CACNA1B: variants seen among roughly 807,000 people sequenced by gnomAD.
CACNA1B encodes the protein calcium voltage-gated channel subunit alpha1 B, also known as voltage-dependent N-type calcium channel subunit alpha-1B.
A neutral mutation model predicts 247.2 loss-of-function variants in CACNA1B; 70 were observed. The ratio of observed to expected loss-of-function variants is 0.28; its 90% confidence interval spans 0.23 to 0.35. The LOEUF is 0.35. Among genes scored for constraint, CACNA1B ranks in the 10% least tolerant of loss-of-function variants. The pLI, the probability that CACNA1B is intolerant of heterozygous loss-of-function variation, is 1.00. For missense variants in CACNA1B, 2,367 were observed against 3,197.4 expected, an observed-to-expected ratio of 0.74 and a Z score of 6.26; for synonymous variants, 1,231 against 1,294.4, an observed-to-expected ratio of 0.95 and a Z score of 1.05.
chr9:137,981,833 G>C (rs899467869), intron 12 of CACNA1B, among the ~76,000 whole-genome samples: 2 of 152,144 alleles, frequency 1.3e-5, no homozygotes, highest in Non-Finnish European at 2.9e-5. Flanking sequence ...TTTTCTGCCA[G>C]CACACAACAG....
At chr9:138,004,872 A>G (rs1177178662) in intron 15 of CACNA1B, among the ~76,000 whole-genome samples, 2 of 152,200 alleles carry the variant, frequency 1.3e-5, no homozygotes, top group Non-Finnish European at 2.9e-5. Context: ...TGGCCAACAG[A>G]TGTATGAAAA....
In CACNA1B at chr9:137,971,324, G is replaced by A; in HGVS notation, c.1334-59G>A. ...CAGAGTGCGTCTGTGGGGGTCCACA[G>A]GTGGGGTAGGCGGGTGCCCATTGGT... is the stretch of plus-strand genomic sequence containing the variant. On this transcript the variant is annotated intron_variant, in intron 10 of 46. Transcript: ENST00000371372. This position sits in a 1 kb window ranked among gnomAD's most constrained non-coding sequence, Gnocchi z 4.4. 1 of 1,284,078 alleles carries A rather than the reference G, an allele frequency of 7.8e-7. No homozygotes were observed. The highest frequency in any genetic ancestry group is 1.1e-6 in the Non-Finnish European group (1 of 903,860). 79.5% of individuals were successfully genotyped at this position (1,284,078 alleles called of 1,614,324 possible).
intron 3 of CACNA1B, among the ~76,000 whole-genome samples, chr9:137,894,259 C>T (rs1011515429): frequency 6.6e-5 from 10 of 151,152 alleles, no homozygotes; most frequent in Admixed American, 2.6e-4. Flanking sequence ...GCACAGGAGC[C>T]GTCCCTTCTC....
Position 138,010,029 on chromosome 9 carries a change from TCTGGCCATCGCTGTGGACAAC to T in CACNA1B, c.2120_2140del (p.Ile707_Ala713del). On this transcript the variant is annotated inframe_deletion, in exon 17 of 47. Coordinates refer to ENST00000371372, the MANE Select transcript of CACNA1B (RefSeq NM_000718.4). This position sits in a 1 kb window ranked among gnomAD's most constrained non-coding sequence, Gnocchi z 5.3. ...AACCAGACACTCTGCTGAATGTCTT[TCTGGCCATCGCTGTGGACAAC>T]CTGGCCAACGCCCAAGAGCTGACCA... 1 of 1,613,780 alleles carries T rather than the reference TCTGGCCATCGCTGTGGACAAC, an allele frequency of 6.2e-7. No individual in the cohort carries two copies. The highest frequency in any genetic ancestry group is 8.5e-7 in the Non-Finnish European group (1 of 1,179,736).
At chr9:137,909,457 C>A (rs771553022) in intron 3 of CACNA1B, among the ~76,000 whole-genome samples, 26 of 152,260 alleles carry the variant, frequency 1.7e-4, no homozygotes, top group South Asian at 1.0e-3. Context: ...TGTTATTTGC[C>A]CTTTTGTGTC....
At chr9:138,035,011 G>A (rs903190590) in intron 20 of CACNA1B, among the ~76,000 whole-genome samples, 4 of 152,190 alleles carry the variant, frequency 2.6e-5, no homozygotes, top group African/African-American at 7.2e-5. Context: ...AGAGCAGAAC[G>A]GTGTGGGGTT....
chr9:138,049,872 G>A (rs907637136), intron 24 of CACNA1B, among the ~76,000 whole-genome samples: 1 of 152,224 alleles, frequency 6.6e-6, no homozygotes, highest in Non-Finnish European at 1.5e-5. Context: ...TCAGATAACT[G>A]CATGGAGGGC....
At chr9:138,070,716 A>G (rs954664973) in intron 32 of CACNA1B, among the ~76,000 whole-genome samples, 1 of 152,250 alleles carries the variant, frequency 6.6e-6, no homozygotes, top group African/African-American at 2.4e-5. Flanking sequence ...AGCTCGTGCC[A>G]GTCAGGCCTC....
chr9:138,039,771 C>G (rs1822548429), intron 20 of CACNA1B, among the ~76,000 whole-genome samples: 1 of 151,918 alleles, frequency 6.6e-6, no homozygotes, highest in African/African-American at 2.4e-5. Context: ...TCATGGTCGG[C>G]TTTTGTTCTT....
Position 137,955,821 on chromosome 9 carries a change from C to A in CACNA1B, c.1186+8C>A. ...AGTGGATCTTCAAGGCGGGTGAGGG[C>A]CCGTGGGAGCCACTGCACTCCTGGC... On this transcript the variant is annotated splice_region_variant and intron_variant, in intron 8 of 46. Coordinates refer to ENST00000371372, the MANE Select transcript of CACNA1B (RefSeq NM_000718.4). The surrounding 1 kb of genome is among the most constrained non-coding windows in gnomAD (Gnocchi z 6.9). The A allele has an allele frequency of 6.5e-7, 1 of 1,541,346 alleles. No homozygotes were observed. Among genetic ancestry groups the A allele is most frequent in the Non-Finnish European group, 8.9e-7 (1 of 1,123,568 alleles).
Position 138,014,943 on chromosome 9 carries a change from A to G in CACNA1B, c.2267+1708A>G, listed in dbSNP as rs1958771738. 6.6e-6 allele frequency among the ~76,000 whole-genome samples: 1 copy of G among 152,162 alleles called. No homozygotes were observed. The highest frequency in any genetic ancestry group is 1.5e-5 in the Non-Finnish European group (1 of 68,010). ...TGCTGCCCTGTCCTGGTTTGGAGACACTGCTATGCAGGAACAAGGCAGTAG... is the reference window on the plus strand; with the variant it reads ...TGCTGCCCTGTCCTGGTTTGGAGACGCTGCTATGCAGGAACAAGGCAGTAG... On this transcript the variant is annotated intron_variant, in intron 18 of 46. Coordinates refer to ENST00000371372, the MANE Select transcript of CACNA1B (RefSeq NM_000718.4). The surrounding 1 kb of genome is among the most constrained non-coding windows in gnomAD (Gnocchi z 6.2).
chr9:137,935,588 G>C (rs1957656674), intron 6 of CACNA1B, among the ~76,000 whole-genome samples: 1 of 152,164 alleles, frequency 6.6e-6, no homozygotes. Context: ...CTTTATAGTA[G>C]CATGATTTAT....
At chr9:138,106,838 G>A (rs556983065) in intron 39 of CACNA1B, among the ~76,000 whole-genome samples, 1 of 152,314 alleles carries the variant, frequency 6.6e-6, no homozygotes, top group Admixed American at 6.5e-5. Flanking sequence ...GCTCTTGAGA[G>A]GTTGTCTCTG....
intron 3 of CACNA1B, among the ~76,000 whole-genome samples, chr9:137,901,569 G>A (rs1957240177): frequency 6.6e-6 from 1 of 152,092 alleles, no homozygotes; most frequent in Admixed American, 6.6e-5. Context: ...GAGTGGACTG[G>A]GTACAAGTGT....
intron 36 of CACNA1B, among the ~76,000 whole-genome samples, chr9:138,080,919 A>G (rs1475167979): frequency 6.6e-6 from 1 of 152,228 alleles, no homozygotes; most frequent in African/African-American, 2.4e-5. Flanking sequence ...AGAGAAATAC[A>G]GAAGAACCTA....
chr9:137,988,881 T>A (rs1028068761), intron 15 of CACNA1B, among the ~76,000 whole-genome samples: 37 of 152,134 alleles, frequency 2.4e-4, no homozygotes, highest in African/African-American at 8.4e-4. Context: ...GGTGGCTAGG[T>A]CTGTAATTCC....
chr9:138,088,071 A>G (rs898474149), intron 36 of CACNA1B, among the ~76,000 whole-genome samples: 108 of 152,212 alleles, frequency 7.1e-4, no homozygotes, highest in African/African-American at 2.3e-3. Context: ...ACAAAAGATC[A>G]ACGAAATGAA....
intron 10 of CACNA1B, among the ~76,000 whole-genome samples, chr9:137,969,253 C>T (rs1375867425): frequency 6.6e-6 from 1 of 152,242 alleles, no homozygotes. Flanking sequence ...CCTCTGGCTT[C>T]TCTAAAGTCG....
intron 44 of CACNA1B, 48 bp from the exon 45 acceptor site, chr9:138,120,117 C>A: frequency 1.3e-6 from 2 of 1,488,816 alleles, no homozygotes; most frequent in Non-Finnish European, 9.1e-7. Context: ...TGCATTCCCG[C>A]TGACCCTGGT....
Sources: allele counts gnomAD v4.1 joint callset (sites outside exome capture counted in the v4.1 genomes callset), GRCh38; gene constraint gnomAD v4.1.1; non-coding constraint Gnocchi (gnomAD v3.1); transcripts MANE v1.5; gene names NCBI Gene and HGNC (gene_info 2026-07-23, HGNC 2026-07-21).